IL17RE: variants seen among roughly 807,000 people sequenced by gnomAD.
IL17RE encodes the protein interleukin 17 receptor E, also known as interleukin-17 receptor E.
IL17RE carries 47 observed loss-of-function variants against 70.7 expected under a neutral mutation model. The ratio of observed to expected loss-of-function variants is 0.67; its 90% CI spans 0.53 to 0.85. The LOEUF is 0.85. Among genes scored for constraint, IL17RE ranks in the 40% least tolerant of loss-of-function variants. IL17RE has a pLI of 0.00. For synonymous variants in IL17RE, 372 were observed against 381.2 expected (o/e 0.98, Z 0.28); for missense variants, 850 against 893.9 (o/e 0.95, Z 0.63).
intron 8 of IL17RE, 83 bp downstream of exon 8, chr3:9,909,366 CA>C (rs2125083134): frequency 8.6e-7 from 1 of 1,156,974 alleles, no homozygotes; most frequent in East Asian, 2.4e-5. Context: ...CACACACACA[CA>C]CACACACCCC....
intron 15 of IL17RE, 53 bp downstream of exon 15, chr3:9,914,830 A>G (rs2082977013): frequency 1.4e-6 from 2 of 1,432,408 alleles, no homozygotes; most frequent in Admixed American, 1.7e-5. Context: ...CTCGGAGACT[A>G]GCTGCCCCCT....
rs1181511114 is a variant in IL17RE, at chr3:9,911,059, A to G, written c.978+19A>G. ...AGATGGGGTGAGGACAGGTTCCCCC[A>G]GGACCAGGGTGGGCAGGGCTGGGGC... On this transcript the variant is annotated intron_variant, in intron 9 of 15. Transcript: ENST00000383814. 6.2e-7 allele frequency: 1 copy of G among 1,613,876 alleles called. No individual in the cohort carries two copies. Among genetic ancestry groups the G allele is most frequent in the Non-Finnish European group, 8.5e-7 (1 of 1,179,786 alleles).
At chr3:9,911,697 A>C in intron 12 of IL17RE, 100 bp downstream of exon 12, 6 of 1,128,806 alleles carry the variant, frequency 5.3e-6, no homozygotes, top group East Asian at 2.4e-5. Context: ...AAACAAACAA[A>C]TCCCTGACTT....
intron 12 of IL17RE, chr3:9,911,935 G>T (rs1575492466): frequency 5.4e-6 from 1 of 184,008 alleles, no homozygotes; most frequent in East Asian, 1.5e-4. Flanking sequence ...AGGAATAACA[G>T]AGGCAAGGGA....
At chr3:9,904,000 C>T (rs372800871) in intron 2 of IL17RE, 32 bp from the exon 3 acceptor site, 7 of 1,613,354 alleles carry the variant, frequency 4.3e-6, no homozygotes, top group African/African-American at 1.3e-5. Flanking sequence ...TTCTTAGACC[C>T]TATCATTTGC....
chr3:9,915,804 T>A lies in IL17RE; in HGVS notation c.2001T>A (p.Gly667=). 1 of 1,527,490 alleles carries A rather than the reference T, an allele frequency of 6.5e-7. No individual in the cohort carries two copies. The allele number at this position is 1,527,490 out of a possible 1,614,324, so 94.6% of individuals were successfully genotyped here. ...AGGCCGCCCGACTTGCAGACCTAGG[T>A]TGAGCAGAGCTCCACCGCAGTCCCG... The part of the protein sequence containing the change: ...EREAARLADL[G] The change falls in exon 16 of 16, where the codon GGT becomes GGA. Residue 667 remains glycine, a synonymous_variant. Coordinates refer to ENST00000383814, the MANE Select transcript of IL17RE (RefSeq NM_153480.2). This position sits in a 1 kb window ranked among gnomAD's most constrained non-coding sequence, Gnocchi z 4.9.
intron 12 of IL17RE, 43 bp from the exon 13 acceptor site, chr3:9,913,913 T>C (rs2082950228): frequency 6.5e-7 from 1 of 1,535,968 alleles, no homozygotes; most frequent in Admixed American, 1.7e-5. Flanking sequence ...CAGGGCCAGA[T>C]TCACCTCCCT....
At position 9,906,696 on chromosome 3, in the gene IL17RE, C is replaced by G; in HGVS notation, c.367-10C>G. On this transcript the variant is annotated splice_polypyrimidine_tract_variant and intron_variant, in intron 4 of 15. Transcript: ENST00000383814. The stretch of plus-strand genomic sequence containing the variant: ...TCTGGCCTGAGGCCAACCTTGTTCT[C>G]TGCCTTTAGAGGAAGCTGCTGCCTC... The G allele has an allele frequency of 6.2e-7, 1 of 1,614,162 alleles. No homozygotes were observed. The highest frequency in any genetic ancestry group is 1.1e-5 in the South Asian group (1 of 91,074).
At chr3:9,903,989 C>T (rs760592116) in intron 2 of IL17RE, 43 bp from the exon 3 acceptor site, 1 of 1,605,452 alleles carries the variant, frequency 6.2e-7, no homozygotes, top group Non-Finnish European at 8.5e-7. Flanking sequence ...TAGGAGGGAC[C>T]TTCTTAGACC....
chr3:9,915,456 G>C lies in IL17RE; in HGVS notation c.1653G>C (p.Glu551Asp). 7.4e-7 allele frequency: 1 copy of C among 1,353,220 alleles called. No homozygotes were observed. The highest frequency in any genetic ancestry group is 9.4e-7 in the Non-Finnish European group (1 of 1,061,432). The allele number at this position is 1,353,220 out of a possible 1,614,324, so 83.8% of individuals were successfully genotyped here. ...LWAARTRVAR[E>D]QGTVLLLWSG... ...CGGCGCGGACGCGCGTAGCGCGGGAGCAGGGCACTGTGCTGCTGCTGTGGA... is the reference window on the plus strand; with the variant it reads ...CGGCGCGGACGCGCGTAGCGCGGGACCAGGGCACTGTGCTGCTGCTGTGGA... The change falls in exon 16 of 16, where the codon GAG becomes GAC. Residue 551 changes from glutamate (E) to aspartate (D), a missense_variant. Glu to Asp is a conservative substitution (Grantham distance 45). Coordinates refer to ENST00000383814, the MANE Select transcript of IL17RE (RefSeq NM_153480.2). The surrounding 1 kb of genome is among the most constrained non-coding windows in gnomAD (Gnocchi z 4.9).
Position 9,916,049 on chromosome 3 carries a change from G to C in IL17RE, c.*242G>C. 5.4e-6 allele frequency: 3 copies of C among 553,808 alleles called. No homozygotes were observed. Among genetic ancestry groups the C allele is most frequent in the Non-Finnish European group, 5.5e-6 (2 of 361,488 alleles). The allele number at this position is 553,808 out of a possible 1,614,324, so 34.3% of individuals were successfully genotyped here. A position where few individuals can be genotyped will look rare whatever the true frequency, so the allele number is the denominator to read the frequency against. On this transcript the variant is annotated 3_prime_UTR_variant, in exon 16 of 16. Coordinates refer to ENST00000383814, the MANE Select transcript of IL17RE (RefSeq NM_153480.2). ...AACCCCTGTTCTGATGGGGGAGGGCGGTCTTCCCACTTCCTCTCCAGAACT... is the reference window on the plus strand; with the variant it reads ...AACCCCTGTTCTGATGGGGGAGGGCCGTCTTCCCACTTCCTCTCCAGAACT...
chr3:9,913,979 A>G lies in IL17RE; in HGVS notation c.1251A>G (p.Ser417=), dbSNP rs758205457. 31 of 1,613,962 alleles carry G rather than the reference A, an allele frequency of 1.9e-5. No homozygotes were observed. Among genetic ancestry groups the G allele is most frequent in the Middle Eastern group, 3.3e-4 (2 of 6,084 alleles). The change falls in exon 13 of 16, where the codon TCA becomes TCG. Residue 417 remains serine, a synonymous_variant. Coordinates refer to ENST00000383814, the MANE Select transcript of IL17RE (RefSeq NM_153480.2). ...VSQARGSSPV[S]LDLIIPFLRP... ...AGGCCCGGGGCTCAAGCCCAGTGTCACTAGACCTCATCATTCCCTTCCTGA... is the reference window on the plus strand; with the variant it reads ...AGGCCCGGGGCTCAAGCCCAGTGTCGCTAGACCTCATCATTCCCTTCCTGA...
chr3:9,915,522 C>G lies in IL17RE; in HGVS notation c.1719C>G (p.Arg573=), dbSNP rs995179350. ...DLRPVSGPDP[R]AAPLLALLHA... The stretch of plus-strand genomic sequence containing the variant: ...GCCCGGTCAGCGGCCCCGACCCCCG[C>G]GCCGCGCCCCTGCTCGCCCTGCTCC... The change falls in exon 16 of 16, where the codon CGC becomes CGG. Residue 573 remains arginine, a synonymous_variant. Coordinates refer to ENST00000383814, the MANE Select transcript of IL17RE (RefSeq NM_153480.2). This position sits in a 1 kb window ranked among gnomAD's most constrained non-coding sequence, Gnocchi z 4.9. The G allele has an allele frequency of 9.1e-6, 12 of 1,321,954 alleles. No homozygotes were observed. The African/African-American group carries it at 1.7e-4, about 19-fold the overall frequency. 81.9% of individuals were successfully genotyped at this position (1,321,954 alleles called of 1,614,324 possible).
chr3:9,913,671 CACAG>C (rs2082944985), intron 12 of IL17RE, among the ~76,000 whole-genome samples: 2 of 152,210 alleles, frequency 1.3e-5, no homozygotes, highest in Non-Finnish European at 2.9e-5. Context: ...TGCTAGAGGA[CACAG>C]ACAATGTCCG....
Position 9,915,392 on chromosome 3 carries a change from G to A in IL17RE, c.1589G>A (p.Arg530Lys). ...GTGATCGTGGACCTGTGGGAGGGGA[G>A]GCACGTGGCGCGCGTGGGCCCGCTG... is the stretch of plus-strand genomic sequence containing the variant. ...RDVIVDLWEGRHVARVGPLPW... is the reference protein window; with the variant it reads ...RDVIVDLWEGKHVARVGPLPW... The change falls in exon 16 of 16, where the codon AGG becomes AAG. Residue 530 changes from arginine (R) to lysine (K), a missense_variant. By Grantham distance (26) the Arg-to-Lys change is conservative. Transcript: ENST00000383814. The surrounding 1 kb of genome is among the most constrained non-coding windows in gnomAD (Gnocchi z 4.9). The A allele has an allele frequency of 7.3e-7, 1 of 1,363,484 alleles. No individual in the cohort carries two copies. The highest frequency in any genetic ancestry group is 9.4e-7 in the Non-Finnish European group (1 of 1,068,456). The allele number at this position is 1,363,484 out of a possible 1,614,324, so 84.5% of individuals were successfully genotyped here. A position where few individuals can be genotyped will look rare whatever the true frequency, so the allele number is the denominator to read the frequency against.
In IL17RE at chr3:9,916,052, C is replaced by G. The variant is rs2083058443; in HGVS notation, c.*245C>G. On this transcript the variant is annotated 3_prime_UTR_variant, in exon 16 of 16. Coordinates refer to ENST00000383814, the MANE Select transcript of IL17RE (RefSeq NM_153480.2). The stretch of plus-strand genomic sequence containing the variant: ...CCCTGTTCTGATGGGGGAGGGCGGT[C>G]TTCCCACTTCCTCTCCAGAACTCCA... 1 of 508,472 alleles carries G rather than the reference C, an allele frequency of 2.0e-6. No individual in the cohort carries two copies. The highest frequency in any genetic ancestry group is 3.1e-6 in the Non-Finnish European group (1 of 321,204). The allele number at this position is 508,472 out of a possible 1,614,324, so 31.5% of individuals were successfully genotyped here.
chr3:9,909,083 C>T lies in IL17RE; in HGVS notation c.736-134C>T, dbSNP rs775861647. The T allele has an allele frequency of 5.8e-6, 4 of 692,158 alleles. No individual in the cohort carries two copies. In the African/African-American group the frequency reaches 7.1e-5, roughly 12 times the overall value. The allele number at this position is 692,158 out of a possible 1,614,324, so 42.9% of individuals were successfully genotyped here. On this transcript the variant is annotated intron_variant, in intron 7 of 15. Coordinates refer to ENST00000383814, the MANE Select transcript of IL17RE (RefSeq NM_153480.2). Reference sequence around the variant, plus strand: ...CCTTGCCCCCACCCCACATTGCCCCCTCCTGCTCGGTCAGTGCCTGGCCAG... The same window carrying T: ...CCTTGCCCCCACCCCACATTGCCCCTTCCTGCTCGGTCAGTGCCTGGCCAG...
intron 1 of IL17RE, 139 bp from the exon 2 acceptor site, chr3:9,903,258 G>T: frequency 9.4e-7 from 1 of 1,064,248 alleles, no homozygotes; most frequent in Non-Finnish European, 1.4e-6. Context: ...GGGAAGATAA[G>T]AGCCAGAAGG....
At chr3:9,907,768 TG>T (rs895521187) in intron 6 of IL17RE, among the ~76,000 whole-genome samples, 67 of 152,330 alleles carry the variant, frequency 4.4e-4, no homozygotes, top group African/African-American at 1.6e-3. Context: ...GAGAGTGATA[TG>T]TCTCCCATTC....
Sources: allele counts gnomAD v4.1 joint callset (sites outside exome capture counted in the v4.1 genomes callset), GRCh38; gene constraint gnomAD v4.1.1; non-coding constraint Gnocchi (gnomAD v3.1); transcripts MANE v1.5; gene names NCBI Gene and HGNC (gene_info 2026-07-23, HGNC 2026-07-21).